The following ACTN1 variants were observed in gnomAD, a reference collection of about 807,000 sequenced individuals.
ACTN1 encodes actinin alpha 1, also known as alpha-actinin-1.
In ACTN1, 30 loss-of-function variants were observed where a neutral mutation model predicts 119.6. The ratio of observed to expected loss-of-function variants is 0.25; its 90% CI spans 0.19 to 0.34. ACTN1 has a LOEUF of 0.34. Ranked by LOEUF, ACTN1 falls within the 10% of genes least tolerant of loss-of-function variation. ACTN1 has a pLI of 1.00. For missense variants in ACTN1, 764 were observed against 1,223.4 expected (o/e 0.62, Z 5.60); for synonymous variants, 429 against 472.6 (o/e 0.91, Z 1.20).
In ACTN1 at chr14:68,904,745, A is replaced by G; in HGVS notation, c.595-9T>C. On this transcript the variant is annotated splice_polypyrimidine_tract_variant and intron_variant, in intron 6 of 21. Transcript: ENST00000394419. The stretch of plus-strand genomic sequence containing the variant: ...TTTGTGAGTGGATCATCCTAGAGGG[A>G]GAAAAGGAGGAAGGGATGATAAAGT... 1 of 1,610,380 alleles carries G rather than the reference A, an allele frequency of 6.2e-7. No homozygotes were observed. The highest frequency in any genetic ancestry group is 8.5e-7 in the Non-Finnish European group (1 of 1,176,888).
chr14:68,921,068 AC>A lies in ACTN1; in HGVS notation c.277del (p.Val93SerfsTer8), dbSNP rs776084066. The A allele has an allele frequency of 6.2e-7, 1 of 1,614,128 alleles. No individual in the cohort carries two copies. ...GGCTATGAAATCCAGGGCCTTGTTG[AC>A]GTTGGAGATCTTGTGCACTCTCATC... Reference protein sequence around the residue: ...GKMRVHKISNVNKALDFIASK... With the variant: ...GKMRVHKISNXNKALDFIASK... On this transcript the variant is annotated frameshift_variant, in exon 3 of 22. Transcript: ENST00000394419. LOFTEE classifies it high-confidence loss of function.
At position 68,879,913 on chromosome 14, in the gene ACTN1, G is replaced by A; in HGVS notation, c.2280+49C>T. ...CGGGGAAGTGCCCTCCAGGGCCCTG[G>A]GGCAGGGGTTGGGGGCTGCACTAAG... On this transcript the variant is annotated intron_variant, in intron 18 of 21. Transcript: ENST00000394419. This position sits in a 1 kb window ranked among gnomAD's most constrained non-coding sequence, Gnocchi z 4.9. The A allele has an allele frequency of 6.2e-7, 1 of 1,600,084 alleles. No homozygotes were observed. The highest frequency in any genetic ancestry group is 1.1e-5 in the South Asian group (1 of 90,068).
chr14:68,885,570 C>T lies in ACTN1; in HGVS notation c.1240G>A (p.Glu414Lys). 6.2e-7 allele frequency: 1 copy of T among 1,613,038 alleles called. No individual in the cohort carries two copies. The highest frequency in any genetic ancestry group is 1.7e-5 in the Admixed American group (1 of 60,028). The change falls in exon 12 of 22, where the codon GAG becomes AAG. Residue 414 changes from glutamate (E) to lysine (K), a missense_variant. Transcript: ENST00000394419. The surrounding 1 kb of genome is among the most constrained non-coding windows in gnomAD (Gnocchi z 5.6). ...SIHEAWTDGK[E>K]AMLRQKDYET... ...TAGTCCTTCTGTCGCAGCATGGCCT[C>T]TTTGCCTGGGTTGAGAGAGGGCCAC...
intron 1 of ACTN1, among the ~76,000 whole-genome samples, chr14:68,935,387 ATTTTTT>A (rs560204692): frequency 3.0e-4 from 17 of 56,430 alleles, no homozygotes; most frequent in African/African-American, 1.4e-3. Context: ...CTCTCTGTTC[ATTTTTT>A]TTTTTTTTTT....
chr14:68,905,905 C>T (rs1229787878), intron 6 of ACTN1, among the ~76,000 whole-genome samples: 2 of 151,724 alleles, frequency 1.3e-5, no homozygotes, highest in African/African-American at 4.8e-5. Context: ...ATTGCTTGAA[C>T]CCGGGAGGCA....
intron 1 of ACTN1, among the ~76,000 whole-genome samples, chr14:68,926,717 A>G (rs2034945016): frequency 6.6e-6 from 1 of 152,196 alleles, no homozygotes; most frequent in Non-Finnish European, 1.5e-5. Context: ...GAGCCACACT[A>G]GAAATACTCT....
intron 14 of ACTN1, chr14:68,883,356 A>G (rs1247200482): frequency 8.6e-6 from 3 of 348,768 alleles, no homozygotes; most frequent in African/African-American, 6.1e-5. Flanking sequence ...GTGACCTCCC[A>G]CAACATGAGC....
chr14:68,943,372 CG>C, intron 1 of ACTN1, among the ~76,000 whole-genome samples: 1 of 152,314 alleles, frequency 6.6e-6, no homozygotes, highest in East Asian at 1.9e-4. Flanking sequence ...CAGGGCAGGA[CG>C]GGACAAGGGG....
Position 68,909,381 on chromosome 14 carries a change from G to A in ACTN1, c.531C>T (p.Leu177=), listed in dbSNP as rs756595994. The part of the protein sequence containing the change: ...QNFHISWKDG[L]GFCALIHRHR... ...GTCGGTGGATCAAAGCACAGAAGCC[G>A]AGGCCATCCTTCCAGCTGCCCGGGG... is the stretch of plus-strand genomic sequence containing the variant. Residue 177 remains leucine, a synonymous_variant, in exon 6 of 22, where the codon CTC becomes CTT. Coordinates refer to ENST00000394419, the MANE Select transcript of ACTN1 (RefSeq NM_001130004.2). The surrounding 1 kb of genome is among the most constrained non-coding windows in gnomAD (Gnocchi z 4.1). The A allele has an allele frequency of 2.0e-5, 32 of 1,613,924 alleles. No individual in the cohort carries two copies. The Admixed American group carries it at 2.3e-4, about 12-fold the overall frequency.
chr14:68,880,236 G>C lies in ACTN1; in HGVS notation c.2134-128C>G. 8.6e-7 allele frequency: 1 copy of C among 1,161,500 alleles called. No individual in the cohort carries two copies. The highest frequency in any genetic ancestry group is 1.5e-5 in the South Asian group (1 of 67,064). The allele number at this position is 1,161,500 out of a possible 1,614,324, so 71.9% of individuals were successfully genotyped here. ...CAAACTTGGCCTTCTGTGTGGCTGA[G>C]TGTCACCAGAGGAAGGGGAACCAGG... is the stretch of plus-strand genomic sequence containing the variant. On this transcript the variant is annotated intron_variant, in intron 17 of 21. Transcript: ENST00000394419. This position sits in a 1 kb window ranked among gnomAD's most constrained non-coding sequence, Gnocchi z 4.6.
intron 8 of ACTN1, among the ~76,000 whole-genome samples, chr14:68,899,453 ACAC>A (rs1398980667): frequency 1.5e-5 from 2 of 134,704 alleles, no homozygotes; most frequent in South Asian, 2.4e-4. Flanking sequence ...CACACCTTAC[ACAC>A]CACACTCCAC....
chr14:68,913,327 C>T (rs762658711), intron 3 of ACTN1, among the ~76,000 whole-genome samples: 9 of 152,194 alleles, frequency 5.9e-5, no homozygotes, highest in Non-Finnish European at 1.2e-4. Flanking sequence ...CACCTGCTTC[C>T]AGACCAGGAG....
intron 1 of ACTN1, among the ~76,000 whole-genome samples, chr14:68,959,997 T>A (rs568426716): frequency 6.6e-6 from 1 of 152,324 alleles, no homozygotes; most frequent in African/African-American, 2.4e-5. Context: ...TAAAATAAGG[T>A]AAGCTACAGA....
rs11620768 is a variant in ACTN1, at chr14:68,896,021, G to C, written c.763-2274C>G. Among the ~76,000 whole-genome samples the C allele has an allele frequency of 3.3e-5, 5 of 152,178 alleles. No homozygotes were observed. The South Asian group carries it at 1.0e-3, about 32-fold the overall frequency. On this transcript the variant is annotated intron_variant, in intron 8 of 21. Transcript: ENST00000394419. Reference sequence around the variant, plus strand: ...TGGCCTCTCCAGAAGGAGACTGACTGAGAATACCATCCATTATAACCAGTG... The same window carrying C: ...TGGCCTCTCCAGAAGGAGACTGACTCAGAATACCATCCATTATAACCAGTG...
chr14:68,875,054 C>T (rs1566582873), intron 21 of ACTN1, 37 bp from the exon 22 acceptor site: 6 of 1,607,108 alleles, frequency 3.7e-6, no homozygotes, highest in Non-Finnish European at 5.1e-6. Flanking sequence ...CCGCAAAGTC[C>T]AGCAGCCGTA....
rs1364707202 is a variant in ACTN1 at position 68,979,191 on chromosome 14, G to T, written c.-135C>A. 1.1e-5 allele frequency: 6 copies of T among 528,230 alleles called. No individual in the cohort carries two copies. Among genetic ancestry groups the T allele is most frequent in the Admixed American group, 4.2e-5 (1 of 23,766 alleles). The allele number at this position is 528,230 out of a possible 1,614,324, so 32.7% of individuals were successfully genotyped here. On this transcript the variant is annotated 5_prime_UTR_variant, in exon 1 of 22. Transcript: ENST00000394419. ...GGGCCGGGCTCGCTCCCCTGCGCCC[G>T]GTTCCGCCGCGGCGCTGCTGGCGAA...
intron 13 of ACTN1, 70 bp downstream of exon 13, chr14:68,884,705 G>T: frequency 1.5e-6 from 2 of 1,320,142 alleles, no homozygotes; most frequent in Non-Finnish European, 2.2e-6. Context: ...AGCAAAGAGA[G>T]TCAAGAAGCA....
At chr14:68,900,025 G>A (rs1409571393) in intron 8 of ACTN1, among the ~76,000 whole-genome samples, 1 of 152,086 alleles carries the variant, frequency 6.6e-6, no homozygotes, top group Non-Finnish European at 1.5e-5. Flanking sequence ...GGCTGAGAGG[G>A]GCTGGGCAGG....
At chr14:68,931,003 A>C (rs923203901) in intron 1 of ACTN1, among the ~76,000 whole-genome samples, 1 of 152,202 alleles carries the variant, frequency 6.6e-6, no homozygotes, top group Non-Finnish European at 1.5e-5. Flanking sequence ...TCCCCAGTCC[A>C]CACGGCTGGA....
Sources: gnomAD v4.1 joint callset for allele counts (sites outside exome capture counted in the v4.1 genomes callset) on GRCh38, gnomAD v4.1.1 for gene constraint, Gnocchi (gnomAD v3.1) non-coding constraint, MANE v1.5 for transcripts, NCBI Gene and HGNC (gene_info 2026-07-23, HGNC 2026-07-21) for gene names.